The following PREP variants were observed in gnomAD, a reference collection of about 807,000 sequenced individuals.
PREP encodes the protein dJ355L5.1 (prolyl endopeptidase).
A neutral mutation model predicts 87.6 loss-of-function variants in PREP; 29 were observed. That is an observed-to-expected ratio of 0.33 (90% CI 0.25 to 0.45). The LOEUF (loss-of-function observed/expected upper bound fraction) is 0.45, where lower values mean the gene tolerates loss of function less well. PREP is among the 20% of genes least tolerant of loss of function. PREP has a pLI of 1.00. For synonymous variants in PREP, 337 were observed against 328.6 expected (o/e 1.03, Z -0.28); for missense variants, 695 against 886.5 (o/e 0.78, Z 2.74).
chr6:105,321,297 C>T (rs1265507440), intron 10 of PREP, among the ~76,000 whole-genome samples: 3 of 152,128 alleles, frequency 2.0e-5, no homozygotes, highest in African/African-American at 7.2e-5. Context: ...TCTTTTTATT[C>T]CTCCTATTAC....
chr6:105,313,716 G>A (rs1179331741), intron 10 of PREP, among the ~76,000 whole-genome samples: 1 of 152,164 alleles, frequency 6.6e-6, no homozygotes, highest in African/African-American at 2.4e-5. Flanking sequence ...AGGGGCAGAG[G>A]TCTTGGGCTA....
chr6:105,354,162 C>T (rs1320888909), intron 6 of PREP, among the ~76,000 whole-genome samples: 1 of 152,008 alleles, frequency 6.6e-6, no homozygotes, highest in Non-Finnish European at 1.5e-5. Flanking sequence ...TATTACAATC[C>T]AGAAATATAC....
chr6:105,375,788 C>T (rs963594378), intron 4 of PREP, among the ~76,000 whole-genome samples: 2 of 152,048 alleles, frequency 1.3e-5, no homozygotes, highest in African/African-American at 4.8e-5. Flanking sequence ...TTATAGAAGA[C>T]GACTTATTTT....
intron 2 of PREP, among the ~76,000 whole-genome samples, chr6:105,385,083 C>A (rs1054051663): frequency 2.0e-5 from 3 of 152,030 alleles, no homozygotes; most frequent in African/African-American, 7.2e-5. Flanking sequence ...CATGAGCAGG[C>A]TGGAAAGAGG....
At position 105,377,496 on chromosome 6, in the gene PREP, C is replaced by A. The variant is rs772019391; in HGVS notation, c.144G>T (p.Lys48Asn). 6.2e-7 allele frequency: 1 copy of A among 1,613,782 alleles called. No individual in the cohort carries two copies. Among genetic ancestry groups the A allele is most frequent in the South Asian group, 1.1e-5 (1 of 91,026 alleles). ...QTKAFVEAQN[K>N]ITVPFLEQCP... ...ACTGCTCAAGAAATGGCACAGTAAT[C>A]TTATTCTGGGCCTCCACAAAGGCCT... Residue 48 changes from lysine to asparagine, a missense_variant, in exon 3 of 15, where the codon AAG becomes AAT. Physicochemically the swap from Lys to Asn is moderately conservative, Grantham distance 94 (BLOSUM62 0). Coordinates refer to ENST00000652536, the MANE Select transcript of PREP (RefSeq NM_002726.5).
At chr6:105,355,953 CACTT>C (rs1772089121) in intron 6 of PREP, among the ~76,000 whole-genome samples, 1 of 152,064 alleles carries the variant, frequency 6.6e-6, no homozygotes, top group Non-Finnish European at 1.5e-5. Context: ...ATTATATTAA[CACTT>C]AGTAAAGATC....
intron 10 of PREP, among the ~76,000 whole-genome samples, chr6:105,323,365 A>C (rs1341443328): frequency 6.6e-6 from 1 of 152,100 alleles, no homozygotes; most frequent in Non-Finnish European, 1.5e-5. Context: ...AACCATATTC[A>C]AGCAAGCAGA....
chr6:105,335,760 G>A (rs1238908785), intron 7 of PREP, among the ~76,000 whole-genome samples: 1 of 152,084 alleles, frequency 6.6e-6, no homozygotes, highest in African/African-American at 2.4e-5. Flanking sequence ...GGGTGTGGTG[G>A]TGGGCGCCTG....
intron 7 of PREP, among the ~76,000 whole-genome samples, chr6:105,338,136 T>C (rs533945824): frequency 7.9e-5 from 12 of 152,358 alleles, no homozygotes; most frequent in African/African-American, 2.6e-4. Flanking sequence ...CTATGACATT[T>C]GTAGACGCAA....
At chr6:105,294,706 TTA>T (rs752627795) in intron 10 of PREP, among the ~76,000 whole-genome samples, 2 of 152,170 alleles carry the variant, frequency 1.3e-5, no homozygotes, top group Non-Finnish European at 1.5e-5. Context: ...ATCACCTTGG[TTA>T]TACCTTGGCC....
intron 3 of PREP, among the ~76,000 whole-genome samples, chr6:105,376,815 T>C (rs1772699077): frequency 6.6e-6 from 1 of 152,114 alleles, no homozygotes; most frequent in African/African-American, 2.4e-5. Flanking sequence ...TTTATAAAAA[T>C]AGGTAGGCAG....
At chr6:105,401,273 C>T (rs765115936) in intron 1 of PREP, among the ~76,000 whole-genome samples, 2 of 152,232 alleles carry the variant, frequency 1.3e-5, no homozygotes, top group South Asian at 2.1e-4. Flanking sequence ...CTTAAAACTG[C>T]ACTTATCAAA....
chr6:105,355,331 C>T (rs1772068813), intron 6 of PREP, among the ~76,000 whole-genome samples: 1 of 152,176 alleles, frequency 6.6e-6, no homozygotes, highest in Non-Finnish European at 1.5e-5. Context: ...AGGTGATCCA[C>T]CCATCTTGGC....
intron 8 of PREP, among the ~76,000 whole-genome samples, chr6:105,331,240 C>A (rs1382703683): frequency 6.6e-6 from 1 of 152,120 alleles, no homozygotes; most frequent in Non-Finnish European, 1.5e-5. Flanking sequence ...TTCTAGTGAA[C>A]ACTGAAGGTT....
chr6:105,339,492 A>G (rs1237645723), intron 7 of PREP, among the ~76,000 whole-genome samples: 1 of 152,230 alleles, frequency 6.6e-6, no homozygotes, highest in Non-Finnish European at 1.5e-5. Context: ...CCAAAGGTAC[A>G]CAGCTCCTCG....
chr6:105,385,158 G>C (rs959282202), intron 2 of PREP, among the ~76,000 whole-genome samples: 5 of 151,330 alleles, frequency 3.3e-5, no homozygotes, highest in African/African-American at 7.3e-5. Context: ...CTACAATAAA[G>C]GTGTTTTATG....
intron 9 of PREP, among the ~76,000 whole-genome samples, chr6:105,324,416 G>A (rs745337125): frequency 1.3e-5 from 2 of 152,116 alleles, no homozygotes; most frequent in Admixed American, 1.3e-4. Flanking sequence ...GAATTCCAGC[G>A]TATGTAACAC....
chr6:105,341,037 G>A (rs1174217997), intron 7 of PREP, among the ~76,000 whole-genome samples: 2 of 152,162 alleles, frequency 1.3e-5, no homozygotes, highest in Non-Finnish European at 2.9e-5. Context: ...GCACTAAACA[G>A]ACCTAATAGA....
chr6:105,397,643 CACTT>C (rs1773320125), intron 2 of PREP, among the ~76,000 whole-genome samples: 1 of 152,106 alleles, frequency 6.6e-6, no homozygotes, highest in Non-Finnish European at 1.5e-5. Flanking sequence ...TTATCTGAAA[CACTT>C]AGGTGATCTT....
Sources: allele counts gnomAD v4.1 joint callset (sites outside exome capture counted in the v4.1 genomes callset), GRCh38; gene constraint gnomAD v4.1.1; transcripts MANE v1.5; gene names NCBI Gene and HGNC (gene_info 2026-07-23, HGNC 2026-07-21).